Variants in LIFR observed in about 807,000 individuals in gnomAD.
The protein encoded by LIFR is leukemia inhibitory factor receptor.
Under a neutral mutation model 122.2 loss-of-function variants are expected in LIFR, and 84 were observed. That is an observed-to-expected ratio of 0.69 (90% CI 0.58 to 0.82). The LOEUF is 0.82. Ranked by LOEUF, LIFR falls within the 40% of genes least tolerant of loss-of-function variation. The pLI is 0.00. For missense variants in LIFR, 1,294 were observed against 1,311.6 expected, an observed-to-expected ratio of 0.99 and a Z score of 0.21; for synonymous variants, 422 against 434.7, an observed-to-expected ratio of 0.97 and a Z score of 0.36.
intron 1 of LIFR, among the ~76,000 whole-genome samples, chr5:38,581,212 TC>T (rs567591942): frequency 4.0e-5 from 6 of 151,712 alleles, no homozygotes; most frequent in Non-Finnish European, 7.4e-5. Flanking sequence ...ATTAGAATCA[TC>T]TTTCTAAGAA....
intron 2 of LIFR, 152 bp from the exon 3 acceptor site, chr5:38,528,992 TTTC>T (rs982996927): frequency 1.6e-6 from 1 of 630,670 alleles, no homozygotes; most frequent in African/African-American, 1.9e-5. Context: ...TTTTTTTTTT[TTTC>T]AAAGAGATGA....
chr5:38,485,891 G>C lies in LIFR; in HGVS notation c.2425C>G (p.Leu809Val), dbSNP rs752084609. The C allele has an allele frequency of 6.2e-7, 1 of 1,613,980 alleles. No individual in the cohort carries two copies. The highest frequency in any genetic ancestry group is 1.3e-5 in the African/African-American group (1 of 74,922). Residue 809 changes from leucine to valine, a missense_variant, in exon 17 of 20, where the codon CTG becomes GTG. Coordinates refer to ENST00000453190, the MANE Select transcript of LIFR (RefSeq NM_001127671.2). Reference protein sequence around the residue: ...ADLQGKTSYHLVLRAYTDGGV... With the variant: ...ADLQGKTSYHVVLRAYTDGGV... Reference sequence around the variant, plus strand: ...CCATCTGTATAGGCTCGCAAGACCAGGTGGTAACTTGTTTTACCTTGAAGA... The same window carrying C: ...CCATCTGTATAGGCTCGCAAGACCACGTGGTAACTTGTTTTACCTTGAAGA...
chr5:38,567,496 G>GTATGTATTTATTTATT, intron 1 of LIFR, among the ~76,000 whole-genome samples: 1 of 132,888 alleles, frequency 7.5e-6, no homozygotes, highest in East Asian at 2.2e-4. Flanking sequence ...TGACCATTCT[G>GTATGTATTTATTTATT]TATTTATTTA....
intron 1 of LIFR, among the ~76,000 whole-genome samples, chr5:38,586,667 T>C (rs1183609193): frequency 6.6e-6 from 1 of 152,174 alleles, no homozygotes; most frequent in Non-Finnish European, 1.5e-5. Flanking sequence ...TGGTAACATC[T>C]GATTGATAGA....
intron 1 of LIFR, among the ~76,000 whole-genome samples, chr5:38,546,090 A>T (rs1747878434): frequency 6.6e-6 from 1 of 152,188 alleles, no homozygotes. Flanking sequence ...GAAGGGGAAA[A>T]ATCCAGCTTT....
intron 12 of LIFR, 58 bp downstream of exon 12, chr5:38,499,455 G>GT: frequency 8.5e-7 from 1 of 1,170,322 alleles, no homozygotes; most frequent in Admixed American, 1.7e-5. Context: ...AGTACCATGC[G>GT]TAAGTTAAGC....
At chr5:38,495,558 A>G (rs111602793) in intron 13 of LIFR, among the ~76,000 whole-genome samples, 4 of 152,310 alleles carry the variant, frequency 2.6e-5, no homozygotes, top group African/African-American at 7.2e-5. Flanking sequence ...TCAAGTAACA[A>G]TAAGAAACAG....
At chr5:38,496,359 A>T (rs752089987) in intron 13 of LIFR, 23 bp downstream of exon 13, 2 of 1,552,898 alleles carry the variant, frequency 1.3e-6, no homozygotes, top group South Asian at 2.2e-5. Flanking sequence ...GTTCTTATAT[A>T]CTAAATCATC....
chr5:38,480,111 T>C lies in LIFR; in HGVS notation c.*1484A>G, dbSNP rs75368466. 4,673 of 222,370 alleles carry C rather than the reference T, an allele frequency of 0.021. 528 individuals carry two copies. In the East Asian group the frequency reaches 0.25, roughly 12 times the overall value. 13.8% of individuals were successfully genotyped at this position (222,370 alleles called of 1,614,324 possible). ...AAATACATTACAGAATCTCAGATGA[T>C]AAAAAACAAACAAACAACCAAAAAA... On this transcript the variant is annotated 3_prime_UTR_variant, in exon 20 of 20. Coordinates refer to ENST00000453190, the MANE Select transcript of LIFR (RefSeq NM_001127671.2).
intron 5 of LIFR, among the ~76,000 whole-genome samples, chr5:38,521,222 G>A (rs1486116463): frequency 1.3e-5 from 2 of 151,942 alleles, no homozygotes; most frequent in Non-Finnish European, 2.9e-5. Context: ...TGATTTTTCA[G>A]CCAGTTCATT....
At chr5:38,496,273 G>T in intron 13 of LIFR, 109 bp downstream of exon 13, 1 of 878,276 alleles carries the variant, frequency 1.1e-6, no homozygotes. Context: ...TAGGTCAGCA[G>T]CAACAAGGTA....
chr5:38,480,646 C>T lies in LIFR; in HGVS notation c.*949G>A, dbSNP rs1743939883. On this transcript the variant is annotated 3_prime_UTR_variant, in exon 20 of 20. Coordinates refer to ENST00000453190, the MANE Select transcript of LIFR (RefSeq NM_001127671.2). The stretch of plus-strand genomic sequence containing the variant: ...CAGGAGGAACGAAATCCAATCAGAA[C>T]TATATGGACAGCTAACGCTGCTAGA... 3.7e-5 allele frequency: 8 copies of T among 217,772 alleles called. No homozygotes were observed. In the East Asian group the frequency reaches 5.4e-4, roughly 15 times the overall value. The allele number at this position is 217,772 out of a possible 1,614,324, so 13.5% of individuals were successfully genotyped here.
intron 4 of LIFR, among the ~76,000 whole-genome samples, chr5:38,525,535 T>C (rs1010106953): frequency 1.3e-5 from 2 of 152,164 alleles, no homozygotes; most frequent in African/African-American, 4.8e-5. Flanking sequence ...GCCAATACAG[T>C]GTTCAACACT....
chr5:38,599,438 C>T (rs967236154), upstream of LIFR, among the ~76,000 whole-genome samples: 10 of 152,076 alleles, frequency 6.6e-5, no homozygotes, highest in Admixed American at 5.9e-4. Context: ...GAAGCATAGA[C>T]CTTGAGAACC....
chr5:38,522,651 G>A (rs948289136), intron 5 of LIFR, among the ~76,000 whole-genome samples: 3 of 152,204 alleles, frequency 2.0e-5, no homozygotes, highest in Non-Finnish European at 2.9e-5. Flanking sequence ...TATAGGCTAG[G>A]TGCTAGCTGA....
chr5:38,501,140 T>C (rs185638891), intron 11 of LIFR, among the ~76,000 whole-genome samples: 7 of 152,330 alleles, frequency 4.6e-5, no homozygotes, highest in Non-Finnish European at 1.0e-4. Context: ...TTTTAACCCA[T>C]AGAAATGGGA....
rs746421921 is a variant in LIFR, at chr5:38,511,887, A to G, written c.639T>C (p.Cys213=). Residue 213 remains cysteine, a synonymous_variant, in exon 6 of 20, where the codon TGT becomes TGC. Coordinates refer to ENST00000453190, the MANE Select transcript of LIFR (RefSeq NM_001127671.2). The stretch of plus-strand genomic sequence containing the variant: ...ATCTAATTTCCACAAAATGAATGGC[A>G]CATTCCAAGGGCATATCTGAGGCCC... ...WSWASDMPLE[C]AIHFVEIRCY... is the part of the protein sequence containing the mutation. The G allele has an allele frequency of 2.5e-6, 4 of 1,614,160 alleles. No individual in the cohort carries two copies. The highest frequency in any genetic ancestry group is 1.6e-4 in the Middle Eastern group (1 of 6,062).
Position 38,523,638 on chromosome 5 carries a change from T to C in LIFR, c.398-56A>G, listed in dbSNP as rs3729598. 0.063 allele frequency: 82,546 copies of C among 1,320,342 alleles called. 3,677 individuals are homozygous for C. Among genetic ancestry groups the C allele is most frequent in the East Asian group, 0.26 (11,423 of 43,470 alleles). 81.8% of individuals were successfully genotyped at this position (1,320,342 alleles called of 1,614,324 possible). ...TAGTAAAATAAGTAATGATTTTTCA[T>C]ACTGTAACTCCACTAATCAACTACT... On this transcript the variant is annotated intron_variant, in intron 4 of 19. Coordinates refer to ENST00000453190, the MANE Select transcript of LIFR (RefSeq NM_001127671.2).
Position 38,530,550 on chromosome 5 carries a change from A to G in LIFR, c.98T>C (p.Phe33Ser), listed in dbSNP as rs1198284294. 2.5e-6 allele frequency: 4 copies of G among 1,612,994 alleles called. No homozygotes were observed. The African/African-American group carries it at 4.0e-5, about 16-fold the overall frequency. ...TTGATTCATTAGATATAGAAGAATA[A>G]ATGTTGATAACAGCCACTGGAAATT... The part of the protein sequence containing the change: ...ASNFQWLLST[F>S]ILLYLMNQVN... The change falls in exon 2 of 20, where the codon TTT becomes TCT. Residue 33 changes from phenylalanine (F) to serine (S), a missense_variant. Transcript: ENST00000453190.
Sources: gnomAD v4.1 joint callset for allele counts (sites outside exome capture counted in the v4.1 genomes callset) on GRCh38, gnomAD v4.1.1 for gene constraint, MANE v1.5 for transcripts, NCBI Gene and HGNC (gene_info 2026-07-23, HGNC 2026-07-21) for gene names.